FMNL2: variants seen among roughly 807,000 people sequenced by gnomAD.
The protein encoded by FMNL2 is formin-like protein 2.
In FMNL2, 51 loss-of-function variants were observed where a neutral mutation model predicts 130.2. That is an observed-to-expected ratio of 0.39 (90% confidence interval 0.31 to 0.49). The LOEUF is 0.49. FMNL2 is among the 20% of genes least tolerant of loss of function. The pLI is 0.85. For missense variants in FMNL2, 977 were observed against 1,316.2 expected (o/e 0.74, Z 3.99); for synonymous variants, 465 against 467.1 (o/e 1.00, Z 0.06).
chr2:152,561,173 T>A, intron 6 of FMNL2, 138 bp downstream of exon 6: 3 of 909,078 alleles, frequency 3.3e-6, no homozygotes, highest in Non-Finnish European at 4.8e-6. Flanking sequence ...TAAATGAATG[T>A]TTCTTTAGGA....
rs55989531 is a variant in FMNL2 at position 152,495,653 on chromosome 2, C to CAAAAAAAAAAAAAAAAAAAAAAAAA, written c.118-26276_118-26275insAAAAAAAAAAAAAAAAAAAAAAAAA. ...GTGACAGAGTGAGACTCCGTCTCAC[C>CAAAAAAAAAAAAAAAAAAAAAAAAA]AAAAAAAAAAAAAAGATTTTTTTCA... On this transcript the variant is annotated intron_variant, in intron 1 of 25. Transcript: ENST00000288670. 1.6e-4 allele frequency among the ~76,000 whole-genome samples: 8 copies of CAAAAAAAAAAAAAAAAAAAAAAAAA among 48,544 alleles called. 1 individual carries two copies. Among genetic ancestry groups the CAAAAAAAAAAAAAAAAAAAAAAAAA allele is most frequent in the Non-Finnish European group, 2.7e-4 (7 of 25,666 alleles). The allele number at this position is 48,544 out of a possible 152,430, so 31.8% of individuals were successfully genotyped here.
At chr2:152,378,659 A>G (rs542160218) in intron 1 of FMNL2, among the ~76,000 whole-genome samples, 3 of 152,176 alleles carry the variant, frequency 2.0e-5, no homozygotes, top group South Asian at 2.1e-4. Context: ...GGATACAAAA[A>G]ATGATCACAA....
Position 152,576,163 on chromosome 2 carries a change from G to T in FMNL2, c.705+919G>T, listed in dbSNP as rs576938699. On this transcript the variant is annotated intron_variant, in intron 7 of 25. Transcript: ENST00000288670. ...AGTAGAAGTGGGAGATAAATACATA[G>T]GTCGAGGGTTGGTGTTAGAGTTCAA... Among the ~76,000 whole-genome samples the T allele has an allele frequency of 2.0e-4, 30 of 152,206 alleles. No individual in the cohort carries two copies. In the Middle Eastern group the frequency reaches 0.014, roughly 69 times the overall value.
Position 152,618,928 on chromosome 2 carries a change from C to T in FMNL2, c.1397C>T (p.Ser466Phe), listed in dbSNP as rs1315234689. The T allele has an allele frequency of 1.2e-6, 2 of 1,613,856 alleles. No individual in the cohort carries two copies. Among genetic ancestry groups the T allele is most frequent in the Non-Finnish European group, 8.5e-7 (1 of 1,179,886 alleles). ...KEKEEAIQRQSTLEKKIHELE... is the reference protein window; with the variant it reads ...KEKEEAIQRQFTLEKKIHELE... ...AAAGAAGAAGCAATTCAAAGACAGT[C>T]TACCCTGGAAAAAAAGATTCATGAG... is the stretch of plus-strand genomic sequence containing the variant. Residue 466 changes from serine to phenylalanine, a missense_variant, in exon 14 of 26, where the codon TCT becomes TTT. Ser to Phe is a radical substitution (Grantham distance 155). Coordinates refer to ENST00000288670, the MANE Select transcript of FMNL2 (RefSeq NM_052905.4).
chr2:152,522,061 G>A (rs1159719815), intron 2 of FMNL2, 35 bp downstream of exon 2: 4 of 1,523,832 alleles, frequency 2.6e-6, no homozygotes, highest in East Asian at 4.5e-5. Flanking sequence ...TATGAAAAAA[G>A]TAATGAAAGA....
intron 1 of FMNL2, among the ~76,000 whole-genome samples, chr2:152,473,349 A>G (rs1003863918): frequency 1.3e-5 from 2 of 152,104 alleles, no homozygotes; most frequent in African/African-American, 4.8e-5. Flanking sequence ...GATTACACGC[A>G]TGAGTTACTG....
At chr2:152,564,662 G>A (rs977119572) in intron 6 of FMNL2, among the ~76,000 whole-genome samples, 9 of 152,042 alleles carry the variant, frequency 5.9e-5, no homozygotes, top group African/African-American at 1.7e-4. Flanking sequence ...GAACCTGGGA[G>A]GCAGAGGTTG....
chr2:152,491,919 C>G (rs147311548), intron 1 of FMNL2, among the ~76,000 whole-genome samples: 200 of 152,198 alleles, frequency 1.3e-3, no homozygotes, highest in African/African-American at 4.7e-3. Flanking sequence ...CTACTGCACT[C>G]CAGCCTGGGC....
At chr2:152,355,954 G>A (rs758943123) in intron 1 of FMNL2, among the ~76,000 whole-genome samples, 42 of 152,034 alleles carry the variant, frequency 2.8e-4, no homozygotes, top group Non-Finnish European at 5.6e-4. Context: ...CCTTTCTCCC[G>A]CTACAGAGGA....
At position 152,636,465 on chromosome 2, in the gene FMNL2, C is replaced by A; in HGVS notation, c.2719C>A (p.Gln907Lys). Residue 907 changes from glutamine (Q) to lysine (K), a missense_variant, in exon 22 of 26, where the codon CAG becomes AAG. By Grantham distance (53) the Gln-to-Lys change is moderately conservative (BLOSUM62 1). Around this residue, in one of 4 missense-constraint regions of FMNL2, gnomAD observed 689 missense variants for 995.9 expected, o/e 0.69. Transcript: ENST00000288670. ...ENVLLDVKEL[Q>K]RGMDLTKREY... ...TGTTTTGCTGGATGTCAAGGAGCTC[C>A]AGAGGGGAATGGACTTGACCAAGAG... 1 of 1,612,408 alleles carries A rather than the reference C, an allele frequency of 6.2e-7. No homozygotes were observed. The highest frequency in any genetic ancestry group is 8.5e-7 in the Non-Finnish European group (1 of 1,179,176).
chr2:152,425,563 C>T lies in FMNL2; in HGVS notation c.117+89843C>T, dbSNP rs72863501. Among the ~76,000 whole-genome samples the T allele has an allele frequency of 3.7e-3, 568 of 152,296 alleles. 1 individual carries two copies. The highest frequency in any genetic ancestry group is 6.2e-3 in the Non-Finnish European group (425 of 68,028). On this transcript the variant is annotated intron_variant, in intron 1 of 25. Coordinates refer to ENST00000288670, the MANE Select transcript of FMNL2 (RefSeq NM_052905.4). ...TAAATGATTGGTAGTCCTTCTAATACTTGTTCTAATTATACTGCTTTTTAA... is the reference window on the plus strand; with the variant it reads ...TAAATGATTGGTAGTCCTTCTAATATTTGTTCTAATTATACTGCTTTTTAA...
At chr2:152,504,954 C>T (rs1322515673) in intron 1 of FMNL2, among the ~76,000 whole-genome samples, 2 of 152,152 alleles carry the variant, frequency 1.3e-5, no homozygotes, top group African/African-American at 4.8e-5. Context: ...AAGGTGAAAC[C>T]AGCAAGTTAA....
chr2:152,441,112 A>G (rs1688026695), intron 1 of FMNL2, among the ~76,000 whole-genome samples: 2 of 152,204 alleles, frequency 1.3e-5, no homozygotes, highest in Non-Finnish European at 2.9e-5. Flanking sequence ...GAAATTTTAG[A>G]CTTGGAGTTG....
chr2:152,486,363 A>G (rs545939521), intron 1 of FMNL2, among the ~76,000 whole-genome samples: 65 of 152,328 alleles, frequency 4.3e-4, no homozygotes, highest in Non-Finnish European at 7.3e-4. Context: ...AGCTATTTAC[A>G]TAGCTGGGTT....
chr2:152,638,867 AAG>A (rs1228046833), intron 23 of FMNL2, among the ~76,000 whole-genome samples: 21 of 152,216 alleles, frequency 1.4e-4, no homozygotes, highest in Admixed American at 6.5e-4. Flanking sequence ...CTAAGGTCAA[AAG>A]AGAAAATATA....
At chr2:152,586,888 G>A (rs1322540836) in intron 9 of FMNL2, among the ~76,000 whole-genome samples, 1 of 152,124 alleles carries the variant, frequency 6.6e-6, no homozygotes, top group Non-Finnish European at 1.5e-5. Flanking sequence ...GGCTTCTGTG[G>A]GTCAGGAAGC....
At chr2:152,485,919 G>A (rs1035937751) in intron 1 of FMNL2, among the ~76,000 whole-genome samples, 1 of 152,210 alleles carries the variant, frequency 6.6e-6, no homozygotes, top group Non-Finnish European at 1.5e-5. Flanking sequence ...CTCAGGCTGT[G>A]CAGGGACATG....
intron 9 of FMNL2, among the ~76,000 whole-genome samples, chr2:152,589,106 TAA>T (rs397940537): frequency 2.5e-4 from 36 of 141,858 alleles, no homozygotes; most frequent in South Asian, 9.0e-4. Context: ...TGGGGGAGCT[TAA>T]AAAAAAAAAA....
In FMNL2 at chr2:152,471,657, C is replaced by T. The variant is rs138197931; in HGVS notation, c.118-50286C>T. ...AGAAACTTTTAACCTTGGCTTCTCA[C>T]ACTCCCTGAACTTTATAAATAGGAA... On this transcript the variant is annotated intron_variant, in intron 1 of 25. Coordinates refer to ENST00000288670, the MANE Select transcript of FMNL2 (RefSeq NM_052905.4). Among the ~76,000 whole-genome samples, 88 of 152,246 alleles carry T rather than the reference C, an allele frequency of 5.8e-4. 1 individual carries two copies. The East Asian group carries it at 8.9e-3, about 15-fold the overall frequency.
Sources: allele counts gnomAD v4.1 joint callset (sites outside exome capture counted in the v4.1 genomes callset), GRCh38; gene constraint gnomAD v4.1.1; regional missense constraint gnomAD v4.1.1; transcripts MANE v1.5; gene names NCBI Gene and HGNC (gene_info 2026-07-23, HGNC 2026-07-21).